DBN1: variants seen among roughly 807,000 people sequenced by gnomAD.
DBN1 encodes the protein drebrin.
DBN1 carries 21 observed loss-of-function variants against 83.5 expected under a neutral mutation model. The observed-to-expected ratio is 0.25, with a 90% CI of 0.18 to 0.36. The LOEUF is 0.36. DBN1 is among the 10% of genes least tolerant of loss of function. The pLI, the probability that DBN1 is intolerant of heterozygous loss-of-function variation, is 1.00. For missense variants in DBN1, 874 were observed against 935.7 expected, an observed-to-expected ratio of 0.93 and a Z score of 0.86; for synonymous variants, 381 against 384.9, an observed-to-expected ratio of 0.99 and a Z score of 0.12.
In DBN1 at chr5:177,467,749, GA is replaced by G; in HGVS notation, c.323del (p.Phe108SerfsTer7). 1 of 1,553,858 alleles carries G rather than the reference GA, an allele frequency of 6.4e-7. No homozygotes were observed. Among genetic ancestry groups the G allele is most frequent in the East Asian group, 2.4e-5 (1 of 41,000 alleles). ...GCTGGCCCCTGACACGCACCTGGAAGAACTCCGCCACCTTAGCCACGTGGCT... is the reference window on the plus strand; with the variant it reads ...GCTGGCCCCTGACACGCACCTGGAAGACTCCGCCACCTTAGCCACGTGGCT... ...CASHVAKVAE[F>X]FQGVDVIVNA... is the part of the protein sequence containing the mutation. On this transcript the variant is annotated frameshift_variant, in exon 4 of 15. Transcript: ENST00000393565. LOFTEE classifies it high-confidence loss of function. The surrounding 1 kb of genome is among the most constrained non-coding windows in gnomAD (Gnocchi z 9.1).
Position 177,458,032 on chromosome 5 carries a change from C to T in DBN1, c.1914+26G>A, listed in dbSNP as rs778828419. The T allele has an allele frequency of 3.1e-6, 5 of 1,613,566 alleles. No individual in the cohort carries two copies. In the South Asian group the frequency reaches 3.3e-5, roughly 11 times the overall value. ...GCTCAGCCCCCACTCCCTCCCATCC[C>T]TCCCACCAGGCAGTCCCTGCCGCAC... is the stretch of plus-strand genomic sequence containing the variant. On this transcript the variant is annotated intron_variant, in intron 13 of 14. Transcript: ENST00000393565.
intron 10 of DBN1, 72 bp from the exon 11 acceptor site, chr5:177,459,812 G>A (rs967994164): frequency 2.9e-6 from 4 of 1,383,500 alleles, no homozygotes; most frequent in Admixed American, 3.2e-5. Context: ...CCTGCCCGAG[G>A]CCTCTCCCGC....
Position 177,467,719 on chromosome 5 carries a change from A to G in DBN1, c.330+24T>C. ...ACCCTGGTGGCTGTCCCCACCCCCAAGAGCGCTGGCCCCTGACACGCACCT... is the reference window on the plus strand; with the variant it reads ...ACCCTGGTGGCTGTCCCCACCCCCAGGAGCGCTGGCCCCTGACACGCACCT... On this transcript the variant is annotated intron_variant, in intron 4 of 14. Transcript: ENST00000393565. This position sits in a 1 kb window ranked among gnomAD's most constrained non-coding sequence, Gnocchi z 9.1. The G allele has an allele frequency of 6.4e-7, 1 of 1,552,474 alleles. No homozygotes were observed. Among genetic ancestry groups the G allele is most frequent in the South Asian group, 1.2e-5 (1 of 84,300 alleles).
chr5:177,468,692 G>A, intron 2 of DBN1, 152 bp downstream of exon 2: 1 of 475,834 alleles, frequency 2.1e-6, no homozygotes, highest in Non-Finnish European at 3.7e-6. Context: ...GGGGACACAG[G>A]GATGACTGGA....
rs1757600024 is a variant in DBN1, at chr5:177,468,143, G to A, written c.220C>T (p.Gln74Ter). 6.2e-7 allele frequency: 1 copy of A among 1,613,974 alleles called. No individual in the cohort carries two copies. Among genetic ancestry groups the A allele is most frequent in the Non-Finnish European group, 8.5e-7 (1 of 1,180,002 alleles). Residue 74 changes from glutamine (Q) to a stop codon, truncating the protein, a stop_gained, in exon 3 of 15, where the codon CAA (glutamine) becomes TAA (stop). Coordinates refer to ENST00000393565, the MANE Select transcript of DBN1 (RefSeq NM_001363541.2). LOFTEE classifies it high-confidence loss of function. The stretch of plus-strand genomic sequence containing the variant: ...AGCACGTATTTTGGCAGAGCAGCTT[G>A]GGAGTCCTTGACACTGCAGAAGCCG... The part of the protein sequence containing the change: ...MYGFCSVKDS[Q>*]AALPKYVLIN...
intron 10 of DBN1, 35 bp from the exon 11 acceptor site, chr5:177,459,775 G>A (rs764696427): frequency 6.3e-6 from 9 of 1,437,686 alleles, no homozygotes; most frequent in South Asian, 3.0e-5. Context: ...AGAGACAGAG[G>A]ACAAGAGAGG....
rs750281390 is a variant in DBN1, at chr5:177,468,123, G to A, written c.240C>T (p.Tyr80=). 6.8e-6 allele frequency: 11 copies of A among 1,608,616 alleles called. No homozygotes were observed. Among genetic ancestry groups the A allele is most frequent in the Non-Finnish European group, 2.5e-6 (3 of 1,178,854 alleles). The part of the protein sequence containing the change: ...VKDSQAALPK[Y]VLINWVGEDV... Reference sequence around the variant, plus strand: ...GGCCGCATACCCAGTTGATGAGCACGTATTTTGGCAGAGCAGCTTGGGAGT... The same window carrying A: ...GGCCGCATACCCAGTTGATGAGCACATATTTTGGCAGAGCAGCTTGGGAGT... The change falls in exon 3 of 15, where the codon TAC becomes TAT. Residue 80 remains tyrosine, a synonymous_variant. Transcript: ENST00000393565.
chr5:177,471,308 T>C (rs1162701281), intron 1 of DBN1, among the ~76,000 whole-genome samples: 1 of 152,082 alleles, frequency 6.6e-6, no homozygotes, highest in Non-Finnish European at 1.5e-5. Context: ...ACCAGGAACT[T>C]GTGTATGATC....
intron 12 of DBN1, 40 bp from the exon 13 acceptor site, chr5:177,458,747 C>G: frequency 6.9e-7 from 1 of 1,455,824 alleles, no homozygotes; most frequent in Non-Finnish European, 9.0e-7. Context: ...AACCGGCTCC[C>G]CTCGGGGAGG....
Position 177,473,448 on chromosome 5 carries a change from C to G in DBN1, c.74G>C (p.Ser25Thr). 2.1e-6 allele frequency: 3 copies of G among 1,430,232 alleles called. No homozygotes were observed. Among genetic ancestry groups the G allele is most frequent in the South Asian group, 1.4e-5 (1 of 73,562 alleles). The allele number at this position is 1,430,232 out of a possible 1,614,324, so 88.6% of individuals were successfully genotyped here. A position where few individuals can be genotyped will look rare whatever the true frequency, so the allele number is the denominator to read the frequency against. ...AAYEEVIREE[S>T]AADWALYTYE... ...GCGGGGGGCTCACCAGTCGGCCGCG[C>G]TCTCCTCTCGGATCACCTCCTCGTA... Residue 25 changes from serine to threonine, a missense_variant, in exon 1 of 15, where the codon AGC (serine) becomes ACC (threonine). Physicochemically the swap from Ser to Thr is moderately conservative, Grantham distance 58 (BLOSUM62 1). Coordinates refer to ENST00000393565, the MANE Select transcript of DBN1 (RefSeq NM_001363541.2).
intron 8 of DBN1, chr5:177,462,283 A>G (rs1199595838): frequency 9.1e-6 from 9 of 985,310 alleles, no homozygotes; most frequent in Non-Finnish European, 1.1e-5. Flanking sequence ...TTCCCAGAAC[A>G]GGCACACCCG....
intron 8 of DBN1, among the ~76,000 whole-genome samples, chr5:177,463,398 G>A (rs1291825092): frequency 1.3e-5 from 2 of 152,042 alleles, no homozygotes; most frequent in African/African-American, 4.8e-5. Context: ...AGGCCCAGAG[G>A]GAGGAGAGAG....
intron 10 of DBN1, among the ~76,000 whole-genome samples, chr5:177,460,005 G>C (rs1223643598): frequency 6.6e-6 from 1 of 152,224 alleles, no homozygotes; most frequent in African/African-American, 2.4e-5. Context: ...GGGCAGGGAA[G>C]AGCTTCAGGA....
intron 8 of DBN1, among the ~76,000 whole-genome samples, chr5:177,464,883 A>G (rs564490251): frequency 5.8e-4 from 83 of 144,016 alleles, no homozygotes; most frequent in East Asian, 1.7e-3. Context: ...GGCCGGGTGC[A>G]GTGGCTCACG....
chr5:177,467,692 A>C lies in DBN1; in HGVS notation c.330+51T>G. On this transcript the variant is annotated intron_variant, in intron 4 of 14. Transcript: ENST00000393565. The surrounding 1 kb of genome is among the most constrained non-coding windows in gnomAD (Gnocchi z 9.1). The stretch of plus-strand genomic sequence containing the variant: ...TCCCGCCATCCCCACCCCAGCACGC[A>C]GACCCTGGTGGCTGTCCCCACCCCC... The C allele has an allele frequency of 6.4e-7, 1 of 1,553,720 alleles. No homozygotes were observed. Among genetic ancestry groups the C allele is most frequent in the Non-Finnish European group, 8.7e-7 (1 of 1,148,540 alleles).
At chr5:177,460,295 C>A in intron 10 of DBN1, 137 bp downstream of exon 10, 1 of 1,292,656 alleles carries the variant, frequency 7.7e-7, no homozygotes, top group South Asian at 1.3e-5. Context: ...AAGTGGTGGG[C>A]GGATGCACGC....
At chr5:177,459,069 G>T (rs1409254054) in intron 12 of DBN1, 29 bp downstream of exon 12, 2 of 1,576,244 alleles carry the variant, frequency 1.3e-6, no homozygotes, top group African/African-American at 2.7e-5. Flanking sequence ...ATGATGGGAG[G>T]CCTGGTGCAG....
At position 177,466,676 on chromosome 5, in the gene DBN1, G is replaced by C; in HGVS notation, c.771+96C>G. On this transcript the variant is annotated intron_variant, in intron 8 of 14. Coordinates refer to ENST00000393565, the MANE Select transcript of DBN1 (RefSeq NM_001363541.2). This position sits in a 1 kb window ranked among gnomAD's most constrained non-coding sequence, Gnocchi z 4.8. ...GCAGCTCCCCAGAACAGCCACCACT[G>C]TCCCTGAGCCACTGATCTCCCCACA... is the stretch of plus-strand genomic sequence containing the variant. 7.1e-7 allele frequency: 1 copy of C among 1,413,180 alleles called. No homozygotes were observed. The highest frequency in any genetic ancestry group is 1.0e-6 in the Non-Finnish European group (1 of 997,648). The allele number at this position is 1,413,180 out of a possible 1,614,324, so 87.5% of individuals were successfully genotyped here. A position where few individuals can be genotyped will look rare whatever the true frequency, so the allele number is the denominator to read the frequency against.
At chr5:177,469,216 C>T (rs989476103) in intron 1 of DBN1, among the ~76,000 whole-genome samples, 1 of 152,102 alleles carries the variant, frequency 6.6e-6, no homozygotes, top group African/African-American at 2.4e-5. Flanking sequence ...GATTCCAAGG[C>T]GACGGTTCCT....
Sources: allele counts gnomAD v4.1 joint callset (sites outside exome capture counted in the v4.1 genomes callset), GRCh38; gene constraint gnomAD v4.1.1; non-coding constraint Gnocchi (gnomAD v3.1); transcripts MANE v1.5; gene names NCBI Gene and HGNC (gene_info 2026-07-23, HGNC 2026-07-21).